The following SAP130 variants were observed in gnomAD, a reference collection of about 807,000 sequenced individuals.
The protein encoded by SAP130 is Sin3A associated protein 130.
SAP130 carries 16 observed loss-of-function variants against 103.2 expected under a neutral mutation model. The ratio of observed to expected loss-of-function variants is 0.16; its 90% CI spans 0.10 to 0.24. The LOEUF (loss-of-function observed/expected upper bound fraction) is 0.24, where lower values mean the gene tolerates loss of function less well. Ranked by LOEUF, SAP130 falls within the 10% of genes least tolerant of loss-of-function variation. SAP130 has a pLI of 1.00. For synonymous variants in SAP130, 477 were observed against 497.0 expected (o/e 0.96, Z 0.53); for missense variants, 990 against 1,359.7 (o/e 0.73, Z 4.28).
In SAP130 at chr2:127,942,419, CA is replaced by C; in HGVS notation, c.3015+4del. 6.2e-7 allele frequency: 1 copy of C among 1,601,762 alleles called. No individual in the cohort carries two copies. Among genetic ancestry groups the C allele is most frequent in the Non-Finnish European group, 8.6e-7 (1 of 1,168,726 alleles). ...ATGATCAGAAGGGAAGGGGCGCACT[CA>C]AACCTGTATCAGTTCGTTTATTCGG... On this transcript the variant is annotated splice_donor_region_variant and intron_variant, in intron 20 of 20. Transcript: ENST00000643581. The surrounding 1 kb of genome is among the most constrained non-coding windows in gnomAD (Gnocchi z 4.8).
At chr2:128,000,178 G>A (rs1373933470) in intron 8 of SAP130, 32 bp from the exon 9 acceptor site, 1 of 1,610,952 alleles carries the variant, frequency 6.2e-7, no homozygotes, top group African/African-American at 1.3e-5. Flanking sequence ...ACAGTTATAA[G>A]AACATTATCC....
chr2:127,972,619 GTGA>G, intron 15 of SAP130, among the ~76,000 whole-genome samples: 1 of 152,308 alleles, frequency 6.6e-6, no homozygotes, highest in South Asian at 2.1e-4. Flanking sequence ...TTAGCCAGGT[GTGA>G]TGGTGGGTGC....
At chr2:127,972,555 C>T (rs1356068959) in intron 15 of SAP130, among the ~76,000 whole-genome samples, 6 of 152,152 alleles carry the variant, frequency 3.9e-5, no homozygotes, top group Non-Finnish European at 7.4e-5. Context: ...GTCAGGAGTT[C>T]GAGACCAGCC....
chr2:127,987,307 C>G (rs1208172238), intron 13 of SAP130, among the ~76,000 whole-genome samples: 2 of 152,196 alleles, frequency 1.3e-5, no homozygotes, highest in Non-Finnish European at 2.9e-5. Flanking sequence ...GCCTTAACCA[C>G]AAGAGTAGCT....
At chr2:127,999,946 T>C in intron 9 of SAP130, 101 bp from the exon 10 acceptor site, 2 of 1,445,970 alleles carry the variant, frequency 1.4e-6, no homozygotes, top group Non-Finnish European at 1.9e-6. Context: ...GTTAAGAGAA[T>C]TTTTCTAGCC....
intron 2 of SAP130, among the ~76,000 whole-genome samples, chr2:128,025,003 C>CAAAAAAAAAAAAAAAAAAAA: frequency 1.0e-5 from 1 of 100,272 alleles, no homozygotes; most frequent in Non-Finnish European, 2.1e-5. Context: ...CCCTATTGCG[C>CAAAAAAAAAAAAAAAAAAAA]AAAAAAAAAA....
intron 16 of SAP130, among the ~76,000 whole-genome samples, chr2:127,952,158 A>T (rs1679535744): frequency 1.3e-5 from 2 of 152,116 alleles, no homozygotes; most frequent in African/African-American, 2.4e-5. Context: ...GTCCCATCTT[A>T]AAAAAATCTT....
At chr2:127,998,608 T>C (rs1683333778) in intron 10 of SAP130, among the ~76,000 whole-genome samples, 1 of 152,204 alleles carries the variant, frequency 6.6e-6, no homozygotes, top group Admixed American at 6.5e-5. Flanking sequence ...AAAAACAAAA[T>C]GACAGCATAA....
intron 15 of SAP130, among the ~76,000 whole-genome samples, chr2:127,965,803 A>AGT (rs996411194): frequency 6.6e-6 from 1 of 151,850 alleles, no homozygotes; most frequent in Non-Finnish European, 1.5e-5. Flanking sequence ...AGAGAGAGAG[A>AGT]GAAAAAGAAA....
intron 18 of SAP130, among the ~76,000 whole-genome samples, chr2:127,947,764 C>CTGTGTGTGTGAGAGTGTGTG (rs147211610): frequency 1.4e-5 from 2 of 143,312 alleles, no homozygotes; most frequent in East Asian, 4.1e-4. Flanking sequence ...TTGTGTGTGT[C>CTGTGTGTGTGAGAGTGTGTG]TGTGTGTGTG....
Position 127,989,732 on chromosome 2 carries a change from C to G in SAP130, c.1612G>C (p.Ala538Pro). 1 of 1,614,208 alleles carries G rather than the reference C, an allele frequency of 6.2e-7. No individual in the cohort carries two copies. The highest frequency in any genetic ancestry group is 8.5e-7 in the Non-Finnish European group (1 of 1,180,026). Residue 538 changes from alanine (A) to proline (P), a missense_variant, in exon 13 of 21, where the codon GCA (alanine) becomes CCA (proline). By Grantham distance (27) the Ala-to-Pro change is conservative (BLOSUM62 -1). Coordinates refer to ENST00000643581, the MANE Select transcript of SAP130 (RefSeq NM_001330301.2). This position sits in a 1 kb window ranked among gnomAD's most constrained non-coding sequence, Gnocchi z 4.6. ...HARHIQGIQP[A>P]PISTQGIQPA... Reference sequence around the variant, plus strand: ...TGGATACCCTGGGTACTGATGGGTGCTGGCTGGATCCCTTGAATATGTCGA... The same window carrying G: ...TGGATACCCTGGGTACTGATGGGTGGTGGCTGGATCCCTTGAATATGTCGA...
At chr2:127,982,121 G>A (rs956170952) in intron 14 of SAP130, among the ~76,000 whole-genome samples, 1 of 151,150 alleles carries the variant, frequency 6.6e-6, no homozygotes, top group African/African-American at 2.5e-5. Context: ...AAGACGGACA[G>A]AAGAACTGGA....
At chr2:127,959,308 C>A (rs1384837806) in intron 15 of SAP130, among the ~76,000 whole-genome samples, 3 of 152,124 alleles carry the variant, frequency 2.0e-5, no homozygotes, top group Non-Finnish European at 4.4e-5. Flanking sequence ...CTGTCTAGCC[C>A]AAGAACCAAG....
Position 128,000,321 on chromosome 2 carries a change from G to A in SAP130, c.1003C>T (p.His335Tyr). The A allele has an allele frequency of 1.9e-6, 3 of 1,614,232 alleles. No homozygotes were observed. Among genetic ancestry groups the A allele is most frequent in the Non-Finnish European group, 2.5e-6 (3 of 1,180,044 alleles). ...TTTGGTTTTACCTGAGCCATTGTATGAAGCTGCTGTTTTGGCGTCCCTAAT... is the reference window on the plus strand; with the variant it reads ...TTTGGTTTTACCTGAGCCATTGTATAAAGCTGCTGTTTTGGCGTCCCTAAT... ...PALGTPKQQLHTMAQKTIFST... is the reference protein window; with the variant it reads ...PALGTPKQQLYTMAQKTIFST... The change falls in exon 8 of 21, where the codon CAT becomes TAT. Residue 335 changes from histidine (H) to tyrosine (Y), a missense_variant. His to Tyr is a moderately conservative substitution (Grantham distance 83, BLOSUM62 2). This residue lies in a region of SAP130 where 336 missense variants were observed against 520.1 expected (regional missense o/e 0.65). Coordinates refer to ENST00000643581, the MANE Select transcript of SAP130 (RefSeq NM_001330301.2).
intron 15 of SAP130, among the ~76,000 whole-genome samples, chr2:127,965,790 A>G (rs1358102613): frequency 6.6e-6 from 1 of 152,016 alleles, no homozygotes; most frequent in Non-Finnish European, 1.5e-5. Context: ...ACTGTCTCAA[A>G]AAAGAGAGAG....
At chr2:127,950,696 T>A (rs1355218261) in intron 16 of SAP130, among the ~76,000 whole-genome samples, 1 of 152,228 alleles carries the variant, frequency 6.6e-6, no homozygotes, top group African/African-American at 2.4e-5. Flanking sequence ...TGTGGTCATC[T>A]AAGATGGAAG....
At chr2:128,005,763 C>T (rs986791370) in intron 7 of SAP130, among the ~76,000 whole-genome samples, 3 of 152,076 alleles carry the variant, frequency 2.0e-5, no homozygotes, top group Non-Finnish European at 4.4e-5. Flanking sequence ...TCTCCCGCCT[C>T]AGCTTCCCAA....
chr2:127,949,765 GT>G (rs1286016202), intron 18 of SAP130, 103 bp downstream of exon 18: 20 of 1,250,186 alleles, frequency 1.6e-5, no homozygotes, highest in South Asian at 4.2e-5. Flanking sequence ...AAAACTTATG[GT>G]TTTTTTGAAA....
intron 14 of SAP130, among the ~76,000 whole-genome samples, chr2:127,980,019 A>G (rs1254164913): frequency 6.6e-6 from 1 of 151,792 alleles, no homozygotes; most frequent in Non-Finnish European, 1.5e-5. Flanking sequence ...CTGGGATTAT[A>G]GGTGCCTGCC....
Sources: allele counts gnomAD v4.1 joint callset (sites outside exome capture counted in the v4.1 genomes callset), GRCh38; gene constraint gnomAD v4.1.1; regional missense constraint gnomAD v4.1.1; non-coding constraint Gnocchi (gnomAD v3.1); transcripts MANE v1.5; gene names NCBI Gene and HGNC (gene_info 2026-07-23, HGNC 2026-07-21).